Variants in AHCYL2 observed in about 807,000 individuals in gnomAD.
AHCYL2 encodes S-adenosylhomocysteine hydrolase-like protein 2.
In AHCYL2, 28 loss-of-function variants were observed where a neutral mutation model predicts 81.4. That is an observed-to-expected ratio of 0.34 (90% confidence interval 0.25 to 0.47). The LOEUF is 0.47. Among genes scored for constraint, AHCYL2 ranks in the 20% least tolerant of loss-of-function variants. The probability of loss-of-function intolerance (pLI) is 1.00; values close to 1 mark genes in which losing one functional copy is unlikely to be tolerated. For synonymous variants in AHCYL2, 272 were observed against 290.2 expected (o/e 0.94, Z 0.64); for missense variants, 551 against 785.1 (o/e 0.70, Z 3.56).
At chr7:129,235,338 G>A (rs1794605281) in intron 1 of AHCYL2, among the ~76,000 whole-genome samples, 10 of 151,422 alleles carry the variant, frequency 6.6e-5, no homozygotes. Context: ...TTGAACTCCT[G>A]GGCTCAAGAG....
At chr7:129,414,170 G>A (rs7802713) in intron 12 of AHCYL2, among the ~76,000 whole-genome samples, 8 of 152,070 alleles carry the variant, frequency 5.3e-5, no homozygotes, top group African/African-American at 1.4e-4. Flanking sequence ...CAAATACTGC[G>A]GTTTCTTCTT....
intron 1 of AHCYL2, among the ~76,000 whole-genome samples, chr7:129,321,743 G>GTTTTTTTTTTTTTTTTTTTTTTTTT: frequency 1.3e-5 from 1 of 77,630 alleles, no homozygotes; most frequent in Non-Finnish European, 2.5e-5. Flanking sequence ...TTCTTTCTTT[G>GTTTTTTTTTTTTTTTTTTTTTTTTT]TTTTTTTTTT....
At chr7:129,270,790 T>C (rs1795982457) in intron 1 of AHCYL2, among the ~76,000 whole-genome samples, 1 of 152,212 alleles carries the variant, frequency 6.6e-6, no homozygotes, top group Admixed American at 6.5e-5. Flanking sequence ...CCCCATGGCA[T>C]AGAGAAATGT....
At chr7:129,355,069 A>C (rs762320649) in intron 1 of AHCYL2, among the ~76,000 whole-genome samples, 7 of 152,170 alleles carry the variant, frequency 4.6e-5, no homozygotes, top group Admixed American at 2.0e-4. Context: ...ATGCATTAAG[A>C]AGCAAAAATT....
In AHCYL2 at chr7:129,365,628, G is replaced by GTATATATATATA. The variant is rs10526470; in HGVS notation, c.364-14004_364-13993dup. Among the ~76,000 whole-genome samples, 237 of 124,332 alleles carry GTATATATATATA rather than the reference G, an allele frequency of 1.9e-3. 19 individuals are homozygous for GTATATATATATA. The highest frequency in any genetic ancestry group is 6.7e-3 in the African/African-American group (202 of 29,996). 81.6% of individuals were successfully genotyped at this position (124,332 alleles called of 152,430 possible). ...TAATACAGTTTACCTGGAGGATAGA[G>GTATATATATATA]TATATATATATATATATGGGTATGA... On this transcript the variant is annotated intron_variant, in intron 1 of 16. Transcript: ENST00000325006.
At chr7:129,332,718 C>T (rs759183317) in intron 1 of AHCYL2, among the ~76,000 whole-genome samples, 1 of 152,192 alleles carries the variant, frequency 6.6e-6, no homozygotes, top group Non-Finnish European at 1.5e-5. Context: ...ACAAATAGCT[C>T]TCTTTTTTGC....
chr7:129,336,091 C>T (rs1261372412), intron 1 of AHCYL2, among the ~76,000 whole-genome samples: 4 of 66,222 alleles, frequency 6.0e-5, no homozygotes, highest in South Asian at 4.4e-4. Context: ...TTTTTTTTGA[C>T]GGAGTCCCAC....
At position 129,225,429 on chromosome 7, in the gene AHCYL2, C is replaced by T. The variant is rs1440013000; in HGVS notation, c.353C>T (p.Thr118Ile). The change falls in exon 1 of 17, where the codon ACA becomes ATA. Residue 118 changes from threonine (T) to isoleucine (I), a missense_variant. Coordinates refer to ENST00000325006, the MANE Select transcript of AHCYL2 (RefSeq NM_015328.4). ...GGCACCGTCACCGAGGCGCCGCGCA[C>T]AGTCAAGAAGGTACTGGGGCCGGGC... ...PDGTVTEAPRTVKKQIQFADQ... is the reference protein window; with the variant it reads ...PDGTVTEAPRIVKKQIQFADQ... 6.6e-7 allele frequency: 1 copy of T among 1,514,954 alleles called. No individual in the cohort carries two copies. Among genetic ancestry groups the T allele is most frequent in the Non-Finnish European group, 8.8e-7 (1 of 1,137,190 alleles). The allele number at this position is 1,514,954 out of a possible 1,614,324, so 93.8% of individuals were successfully genotyped here.
chr7:129,417,033 C>T (rs1308939062), intron 12 of AHCYL2, among the ~76,000 whole-genome samples: 1 of 151,506 alleles, frequency 6.6e-6, no homozygotes, highest in Admixed American at 6.6e-5. Flanking sequence ...GAGGCTGAGG[C>T]AGAATCACTG....
At chr7:129,421,036 A>G (rs532555431) in intron 12 of AHCYL2, among the ~76,000 whole-genome samples, 1 of 152,250 alleles carries the variant, frequency 6.6e-6, no homozygotes, top group South Asian at 2.1e-4. Flanking sequence ...AGATCACCTG[A>G]AGTCAGGGGT....
At chr7:129,330,622 C>T (rs1053359328) in intron 1 of AHCYL2, among the ~76,000 whole-genome samples, 11 of 152,124 alleles carry the variant, frequency 7.2e-5, no homozygotes, top group Non-Finnish European at 1.3e-4. Flanking sequence ...AGGCGCCCAC[C>T]ACCACGCCCG....
chr7:129,242,258 G>A (rs1794885832), intron 1 of AHCYL2, among the ~76,000 whole-genome samples: 1 of 151,684 alleles, frequency 6.6e-6, no homozygotes, highest in African/African-American at 2.4e-5. Flanking sequence ...ACTCCTCCTG[G>A]ACTCAAGCGA....
At chr7:129,231,203 G>A (rs547047069) in intron 1 of AHCYL2, among the ~76,000 whole-genome samples, 20 of 151,926 alleles carry the variant, frequency 1.3e-4, no homozygotes, top group Admixed American at 1.0e-3. Flanking sequence ...TCATGCCACC[G>A]CGCTTCAGCC....
intron 1 of AHCYL2, among the ~76,000 whole-genome samples, chr7:129,278,121 G>C (rs1202874647): frequency 6.6e-6 from 1 of 152,176 alleles, no homozygotes; most frequent in Non-Finnish European, 1.5e-5. Context: ...GCATAAAATA[G>C]TATTTCATTG....
rs58088647 is a variant in AHCYL2 at position 129,227,457 on chromosome 7, CAA to C, written c.363+2037_363+2038del. 2.8e-3 allele frequency among the ~76,000 whole-genome samples: 198 copies of C among 70,228 alleles called. 3 individuals carry two copies. The highest frequency in any genetic ancestry group is 6.1e-3 in the African/African-American group (121 of 19,884). The allele number at this position is 70,228 out of a possible 152,430, so 46.1% of individuals were successfully genotyped here. On this transcript the variant is annotated intron_variant, in intron 1 of 16. Coordinates refer to ENST00000325006, the MANE Select transcript of AHCYL2 (RefSeq NM_015328.4). ...GCAACATGGTGAAAACCTCTCTCTC[CAA>C]AAAAAAAAAAAAAAAAAAGAGCCGG...
intron 1 of AHCYL2, among the ~76,000 whole-genome samples, chr7:129,321,748 T>G (rs1015774189): frequency 3.4e-5 from 5 of 145,604 alleles, no homozygotes; most frequent in East Asian, 2.0e-4. Flanking sequence ...TCTTTGTTTT[T>G]TTTTTTTTTT....
At chr7:129,350,268 T>C (rs2150828727) in intron 1 of AHCYL2, among the ~76,000 whole-genome samples, 1 of 152,274 alleles carries the variant, frequency 6.6e-6, no homozygotes, top group South Asian at 2.1e-4. Context: ...GTTTCCTCAG[T>C]TGTGAAATGG....
At chr7:129,374,206 T>C (rs779970762) in intron 1 of AHCYL2, among the ~76,000 whole-genome samples, 24 of 152,210 alleles carry the variant, frequency 1.6e-4, no homozygotes, top group Non-Finnish European at 3.4e-4. Context: ...TGATTAATAT[T>C]ATGAGGCATG....
rs141526841 is a variant in AHCYL2 at position 129,348,645 on chromosome 7, A to G, written c.364-30993A>G. On this transcript the variant is annotated intron_variant, in intron 1 of 16. Transcript: ENST00000325006. ...TTAAATGAGTCATGTATATAATCTA[A>G]TGCATTGTCTGGCATGTAGTTAAGT... is the stretch of plus-strand genomic sequence containing the variant. 1.5e-3 allele frequency among the ~76,000 whole-genome samples: 222 copies of G among 152,332 alleles called. 2 individuals are homozygous for G. The Middle Eastern group carries it at 0.017, about 12-fold the overall frequency.
Sources: allele counts gnomAD v4.1 joint callset (sites outside exome capture counted in the v4.1 genomes callset), GRCh38; gene constraint gnomAD v4.1.1; transcripts MANE v1.5; gene names NCBI Gene and HGNC (gene_info 2026-07-23, HGNC 2026-07-21).